Variants in PREX1 observed in about 807,000 individuals in gnomAD.
PREX1 encodes the protein phosphatidylinositol 3,4,5-trisphosphate-dependent Rac exchanger 1 protein.
In PREX1, 41 loss-of-function variants were observed where a neutral mutation model predicts 198.3. The ratio of observed to expected loss-of-function variants is 0.21; its 90% confidence interval spans 0.16 to 0.27. PREX1 has a LOEUF of 0.27. Among genes scored for constraint, PREX1 ranks in the 10% least tolerant of loss-of-function variants. The pLI is 1.00. For missense variants in PREX1, 1,620 were observed against 2,200.7 expected (o/e 0.74, Z 5.28); for synonymous variants, 843 against 887.2 (o/e 0.95, Z 0.89).
chr20:48,756,084 G>A (rs2090154887), intron 1 of PREX1, among the ~76,000 whole-genome samples: 1 of 152,166 alleles, frequency 6.6e-6, no homozygotes, highest in Non-Finnish European at 1.5e-5. Context: ...GCAGCGGCAA[G>A]GCAAATATGA....
At chr20:48,813,821 G>A (rs752517231) in intron 1 of PREX1, among the ~76,000 whole-genome samples, 4 of 152,200 alleles carry the variant, frequency 2.6e-5, no homozygotes, top group Non-Finnish European at 5.9e-5. Flanking sequence ...ATGCAGCCAG[G>A]TATACACACA....
the PREX1 span, among the ~76,000 whole-genome samples, chr20:48,884,077 C>T: frequency 5.3e-3 from 773 of 145,866 alleles, 9 homozygotes; most frequent in African/African-American, 0.019. Context: ...GGAGGCGGAG[C>T]TTGCAGTGAG....
chr20:48,869,786 T>C, the PREX1 span, among the ~76,000 whole-genome samples: 4 of 151,572 alleles, frequency 2.6e-5, no homozygotes, highest in Admixed American at 6.6e-5. Context: ...TAAGTGGGAG[T>C]TGAACAACAA....
chr20:48,631,828 C>G (rs988402538), intron 35 of PREX1, among the ~76,000 whole-genome samples: 2 of 152,084 alleles, frequency 1.3e-5, no homozygotes, highest in African/African-American at 4.8e-5. Context: ...ATACCTGGCT[C>G]CTGCTCTCAC....
chr20:48,822,642 T>C (rs1480465243), intron 1 of PREX1, among the ~76,000 whole-genome samples: 3 of 152,220 alleles, frequency 2.0e-5, no homozygotes, highest in Non-Finnish European at 1.5e-5. Flanking sequence ...CGCATACATA[T>C]GCATAATTTT....
the PREX1 span, among the ~76,000 whole-genome samples, chr20:48,858,115 C>T: frequency 2.0e-5 from 3 of 152,210 alleles, no homozygotes; most frequent in African/African-American, 7.2e-5. Flanking sequence ...GCAGTGGCTG[C>T]CAGTCGAGGC....
intron 2 of PREX1, among the ~76,000 whole-genome samples, chr20:48,746,985 CA>C (rs1329072924): frequency 1.6e-4 from 22 of 141,814 alleles, no homozygotes; most frequent in South Asian, 2.2e-4. Context: ...CACACACACA[CA>C]CACACACACA....
intron 7 of PREX1, among the ~76,000 whole-genome samples, chr20:48,699,144 C>G (rs1356651558): frequency 6.6e-6 from 1 of 152,114 alleles, no homozygotes; most frequent in Non-Finnish European, 1.5e-5. Flanking sequence ...CTCACCACAC[C>G]TTAGGAGGCC....
At position 48,679,730 on chromosome 20, in the gene PREX1, T is replaced by C; in HGVS notation, c.1460A>G (p.Asn487Ser). Residue 487 changes from asparagine (N) to serine (S), a missense_variant, in exon 12 of 40, where the codon AAT (asparagine) becomes AGT (serine). Around this residue, in one of 7 missense-constraint regions of PREX1, gnomAD observed 488 missense variants for 802.5 expected, o/e 0.61. Coordinates refer to ENST00000371941, the MANE Select transcript of PREX1 (RefSeq NM_020820.4). ...GCGGAAGCGATACATCACCTGCTCA[T>C]TCTTGAACTGGTGCTTGTCGGAAAC... Reference protein sequence around the residue: ...HHVSDKHQFKNEQVMYRFRYD... With the variant: ...HHVSDKHQFKSEQVMYRFRYD... 6.2e-7 allele frequency: 1 copy of C among 1,613,372 alleles called. No individual in the cohort carries two copies. Among genetic ancestry groups the C allele is most frequent in the Non-Finnish European group, 8.5e-7 (1 of 1,179,302 alleles).
intron 39 of PREX1, among the ~76,000 whole-genome samples, chr20:48,627,335 C>T (rs1009333208): frequency 1.3e-5 from 2 of 150,188 alleles, no homozygotes; most frequent in African/African-American, 4.9e-5. Flanking sequence ...CACCGCCTCA[C>T]GGCACACCTG....
intron 17 of PREX1, 130 bp from the exon 18 acceptor site, chr20:48,657,318 G>T: frequency 3.5e-6 from 4 of 1,129,094 alleles, no homozygotes; most frequent in Non-Finnish European, 5.0e-6. Context: ...GGGTGACTGC[G>T]TGCTGTCTGT....
the PREX1 span, among the ~76,000 whole-genome samples, chr20:48,842,582 G>A: frequency 6.8e-3 from 1,031 of 151,074 alleles, 5 homozygotes; most frequent in African/African-American, 0.024. Context: ...TCCAGGCTGG[G>A]CAACACAGCA....
chr20:48,882,223 C>T, the PREX1 span, among the ~76,000 whole-genome samples: 1 of 152,066 alleles, frequency 6.6e-6, no homozygotes, highest in Admixed American at 6.5e-5. Flanking sequence ...CTTCATGTTG[C>T]TGGGCGCGGT....
chr20:48,629,182 C>T (rs1307675207), intron 37 of PREX1, among the ~76,000 whole-genome samples: 2 of 152,248 alleles, frequency 1.3e-5, no homozygotes, highest in East Asian at 1.9e-4. Context: ...AGGAGGCTTC[C>T]GGCGGAACTA....
chr20:48,785,234 T>C (rs530984700), intron 1 of PREX1, among the ~76,000 whole-genome samples: 1 of 152,344 alleles, frequency 6.6e-6, no homozygotes, highest in South Asian at 2.1e-4. Flanking sequence ...TCTATTTCGA[T>C]GAAGCATATT....
At chr20:48,795,461 G>C (rs1033268229) in intron 1 of PREX1, among the ~76,000 whole-genome samples, 1 of 135,724 alleles carries the variant, frequency 7.4e-6, no homozygotes, top group Non-Finnish European at 1.6e-5. Flanking sequence ...AGATATTTTT[G>C]GTTGTCACAA....
In PREX1 at chr20:48,827,742, G is replaced by C; in HGVS notation, c.119C>G (p.Ala40Gly). The C allele has an allele frequency of 3.1e-6, 4 of 1,309,968 alleles. No homozygotes were observed. Among genetic ancestry groups the C allele is most frequent in the Non-Finnish European group, 3.9e-6 (4 of 1,014,752 alleles). 81.1% of individuals were successfully genotyped at this position (1,309,968 alleles called of 1,614,324 possible). Residue 40 changes from alanine (A) to glycine (G), a missense_variant, in exon 1 of 40, where the codon GCC becomes GGC. Transcript: ENST00000371941. This position sits in a 1 kb window ranked among gnomAD's most constrained non-coding sequence, Gnocchi z 4.1. ...PSSGPGPCAA[A>G]RESERQLRLR... ...GCGCAGCTGGCGCTCGGACTCCCGG[G>C]CGGCCGCGCACGGGCCGGGGCCGGA... is the stretch of plus-strand genomic sequence containing the variant.
the PREX1 span, among the ~76,000 whole-genome samples, chr20:48,880,432 C>T: frequency 2.0e-5 from 3 of 152,176 alleles, no homozygotes; most frequent in South Asian, 4.1e-4. Context: ...GGTAGCTCCA[C>T]AAAATTGAGG....
chr20:48,654,550 C>T (rs1745443259), intron 19 of PREX1, among the ~76,000 whole-genome samples: 1 of 152,202 alleles, frequency 6.6e-6, no homozygotes, highest in Non-Finnish European at 1.5e-5. Context: ...CGGGCAGGGC[C>T]GATGTCCTCT....
Sources: gnomAD v4.1 joint callset for allele counts (sites outside exome capture counted in the v4.1 genomes callset) on GRCh38, gnomAD v4.1.1 for gene constraint, gnomAD v4.1.1 regional missense constraint, Gnocchi (gnomAD v3.1) non-coding constraint, MANE v1.5 for transcripts, NCBI Gene and HGNC (gene_info 2026-07-23, HGNC 2026-07-21) for gene names.